Variants in WNK1 observed in about 807,000 individuals in gnomAD.
WNK1 encodes the protein WNK lysine deficient protein kinase 1, also known as serine/threonine-protein kinase WNK1.
A neutral mutation model predicts 222.8 loss-of-function variants in WNK1; 38 were observed. The observed-to-expected ratio is 0.17, with a 90% CI of 0.13 to 0.22. WNK1 has a LOEUF of 0.22. Among genes scored for constraint, WNK1 ranks in the 10% least tolerant of loss-of-function variants. The pLI is 1.00. For missense variants in WNK1, 2,348 were observed against 2,918.4 expected (o/e 0.80, Z 4.50); for synonymous variants, 1,090 against 1,092.9 (o/e 1.00, Z 0.05).
At chr12:819,823 C>T (rs1273398460) in intron 2 of WNK1, among the ~76,000 whole-genome samples, 1 of 152,096 alleles carries the variant, frequency 6.6e-6, no homozygotes, top group Non-Finnish European at 1.5e-5. Flanking sequence ...GTTGAAGAGA[C>T]TTTTACCTAT....
intron 4 of WNK1, among the ~76,000 whole-genome samples, chr12:855,181 T>C (rs1028107177): frequency 6.6e-6 from 1 of 152,222 alleles, no homozygotes; most frequent in Admixed American, 6.5e-5. Context: ...TATTTTGTCT[T>C]CACTAGAATT....
intron 8 of WNK1, chr12:867,693 A>G (rs1951790845): frequency 1.4e-6 from 1 of 734,860 alleles, no homozygotes; most frequent in East Asian, 2.7e-5. Context: ...CCCTGGATGT[A>G]TTTAATGGAT....
chr12:800,545 A>G (rs1010520890), intron 1 of WNK1, among the ~76,000 whole-genome samples: 9 of 152,132 alleles, frequency 5.9e-5, no homozygotes, highest in Non-Finnish European at 1.0e-4. Flanking sequence ...TCTCTGAGGC[A>G]ATTTCCCCTT....
chr12:808,830 C>A (rs766234424), intron 1 of WNK1, among the ~76,000 whole-genome samples: 2 of 145,826 alleles, frequency 1.4e-5, no homozygotes, highest in Non-Finnish European at 3.0e-5. Flanking sequence ...ATGGCGAGAT[C>A]TCGACTCACT....
At chr12:849,839 T>G (rs1950291576) in intron 4 of WNK1, among the ~76,000 whole-genome samples, 1 of 152,110 alleles carries the variant, frequency 6.6e-6, no homozygotes, top group Non-Finnish European at 1.5e-5. Flanking sequence ...GTCCTTGCGA[T>G]AGTTTGCTGA....
chr12:801,545 A>T (rs1035167439), intron 1 of WNK1, among the ~76,000 whole-genome samples: 6 of 149,062 alleles, frequency 4.0e-5, no homozygotes, highest in Non-Finnish European at 8.9e-5. Flanking sequence ...AGTAGCTGGG[A>T]CTACAGCCAT....
In WNK1 at chr12:862,284, T is replaced by C. The variant is rs376797738; in HGVS notation, c.2139+14T>C. On this transcript the variant is annotated intron_variant, in intron 8 of 27. Coordinates refer to ENST00000315939, the MANE Select transcript of WNK1 (RefSeq NM_018979.4). ...CCCTCAAGTGTGGTAAGTAAATGCT[T>C]AAGAGCATGTAATACTACAATGAGA... 1 of 1,613,306 alleles carries C rather than the reference T, an allele frequency of 6.2e-7. No homozygotes were observed. The highest frequency in any genetic ancestry group is 8.5e-7 in the Non-Finnish European group (1 of 1,179,340).
chr12:872,568 A>T (rs144087409), intron 9 of WNK1, among the ~76,000 whole-genome samples: 51 of 152,348 alleles, frequency 3.3e-4, no homozygotes, highest in African/African-American at 1.2e-3. Context: ...TGCATCACTG[A>T]TATTAGTTAA....
At chr12:899,883 G>A (rs1236850670) in intron 25 of WNK1, among the ~76,000 whole-genome samples, 1 of 151,716 alleles carries the variant, frequency 6.6e-6, no homozygotes, top group Non-Finnish European at 1.5e-5. Context: ...TCATGGAATT[G>A]CAGAATGGAA....
At chr12:901,395 A>G (rs573936608) in intron 26 of WNK1, among the ~76,000 whole-genome samples, 19 of 152,314 alleles carry the variant, frequency 1.2e-4, no homozygotes, top group African/African-American at 4.1e-4. Flanking sequence ...TAGAATTAAG[A>G]CCTAATATTT....
At chr12:755,861 A>G (rs1356047251) in intron 1 of WNK1, among the ~76,000 whole-genome samples, 1 of 152,184 alleles carries the variant, frequency 6.6e-6, no homozygotes, top group African/African-American at 2.4e-5. Flanking sequence ...TGTAATTCCA[A>G]CTACTCGGGA....
At chr12:852,304 A>G (rs905712120) in intron 4 of WNK1, among the ~76,000 whole-genome samples, 2 of 152,200 alleles carry the variant, frequency 1.3e-5, no homozygotes, top group Admixed American at 6.5e-5. Context: ...GTGCTATTAT[A>G]GAGTTACAGT....
rs1177801403 is a variant in WNK1, at chr12:753,468, C to T, written c.-98C>T. ...TCCGGGTCGGCGCGAACCCGCCCGG[C>T]CGCGGTTCCCTGCAGACCTCTGCGC... On this transcript the variant is annotated 5_prime_UTR_variant, in exon 1 of 28. Coordinates refer to ENST00000315939, the MANE Select transcript of WNK1 (RefSeq NM_018979.4). This position sits in a 1 kb window ranked among gnomAD's most constrained non-coding sequence, Gnocchi z 5.2. 2.6e-6 allele frequency: 4 copies of T among 1,536,774 alleles called. No individual in the cohort carries two copies. Among genetic ancestry groups the T allele is most frequent in the Non-Finnish European group, 3.5e-6 (4 of 1,132,192 alleles).
At chr12:807,814 G>A (rs1331819330) in intron 1 of WNK1, among the ~76,000 whole-genome samples, 2 of 147,856 alleles carry the variant, frequency 1.4e-5, no homozygotes, top group African/African-American at 2.5e-5. Flanking sequence ...CCGCCTCCCG[G>A]GTTCACGCCA....
Position 891,418 on chromosome 12 carries a change from G to A in WNK1, c.5509+905G>A, listed in dbSNP as rs184123091. On this transcript the variant is annotated intron_variant, in intron 22 of 27. Coordinates refer to ENST00000315939, the MANE Select transcript of WNK1 (RefSeq NM_018979.4). ...CTCCCAGAGTGCTGGGATTACAGGC[G>A]TGAGCCACCGCGCCTGGCTGAAAGA... Among the ~76,000 whole-genome samples the A allele has an allele frequency of 1.6e-3, 239 of 152,284 alleles. 2 individuals carry two copies. Among genetic ancestry groups the A allele is most frequent in the African/African-American group, 5.6e-3 (233 of 41,570 alleles).
chr12:869,590 A>T (rs1347265196), intron 8 of WNK1, among the ~76,000 whole-genome samples: 2 of 152,194 alleles, frequency 1.3e-5, no homozygotes, highest in Non-Finnish European at 1.5e-5. Context: ...CAGAATTTTC[A>T]TTAGTGTCGA....
rs980119183 is a variant in WNK1 at position 865,770 on chromosome 12, G to A, written c.2139+3500G>A. On this transcript the variant is annotated intron_variant, in intron 8 of 27. Coordinates refer to ENST00000315939, the MANE Select transcript of WNK1 (RefSeq NM_018979.4). ...TTTTTTCTCCTCACTTTATTCTAAG[G>A]AGACACTAATAAAACTGGATGAGTC... Among the ~76,000 whole-genome samples, 4 of 151,476 alleles carry A rather than the reference G, an allele frequency of 2.6e-5. No homozygotes were observed. In the East Asian group the frequency reaches 7.7e-4, roughly 29 times the overall value.
At position 862,150 on chromosome 12, in the gene WNK1, G is replaced by C. The variant is rs763848993; in HGVS notation, c.2019G>C (p.Gln673His). 1 of 1,614,106 alleles carries C rather than the reference G, an allele frequency of 6.2e-7. No individual in the cohort carries two copies. The highest frequency in any genetic ancestry group is 1.1e-5 in the South Asian group (1 of 91,078). Residue 673 changes from glutamine to histidine, a missense_variant, in exon 8 of 28, where the codon CAG becomes CAC. Around this residue, in one of 13 missense-constraint regions of WNK1, gnomAD observed 547 missense variants for 558.3 expected, o/e 0.98. Coordinates refer to ENST00000315939, the MANE Select transcript of WNK1 (RefSeq NM_018979.4). Reference sequence around the variant, plus strand: ...CAGAATCTCGAGTGAGCAGCCAACAGACAGTTTCATATGGTTCCCAACATG... The same window carrying C: ...CAGAATCTCGAGTGAGCAGCCAACACACAGTTTCATATGGTTCCCAACATG... ...VFTESRVSSQ[Q>H]TVSYGSQHEQ...
intron 4 of WNK1, among the ~76,000 whole-genome samples, chr12:848,868 G>A (rs923892938): frequency 6.6e-6 from 1 of 152,124 alleles, no homozygotes; most frequent in Non-Finnish European, 1.5e-5. Context: ...ATAGAATCTA[G>A]ATATTTGTGC....
Sources: gnomAD v4.1 joint callset for allele counts (sites outside exome capture counted in the v4.1 genomes callset) on GRCh38, gnomAD v4.1.1 for gene constraint, gnomAD v4.1.1 regional missense constraint, Gnocchi (gnomAD v3.1) non-coding constraint, MANE v1.5 for transcripts, NCBI Gene and HGNC (gene_info 2026-07-23, HGNC 2026-07-21) for gene names.